The following ASPRV1 variants were observed in gnomAD, a reference collection of about 807,000 sequenced individuals.
ASPRV1 encodes the protein aspartic peptidase retroviral like 1.
A neutral mutation model predicts 11.0 loss-of-function variants in ASPRV1; 7 were observed. The ratio of observed to expected loss-of-function variants is 0.64; its 90% CI spans 0.36 to 1.20. The LOEUF is 1.20. Ranked by LOEUF, ASPRV1 falls within the 50% of genes most tolerant of loss-of-function variation. ASPRV1 has a pLI of 0.02. For missense variants in ASPRV1, 299 were observed against 320.0 expected (o/e 0.93, Z 0.50); for synonymous variants, 136 against 138.4 (o/e 0.98, Z 0.12).
chr2:69,960,809 C>T lies in ASPRV1; in HGVS notation c.628G>A (p.Ala210Thr), dbSNP rs1678065740. The T allele has an allele frequency of 1.2e-6, 2 of 1,614,034 alleles. No homozygotes were observed. Among genetic ancestry groups the T allele is most frequent in the Admixed American group, 3.3e-5 (2 of 60,006 alleles). Residue 210 changes from alanine (A) to threonine (T), a missense_variant, in exon 1 of 1, where the codon GCT (alanine) becomes ACT (threonine). Ala to Thr is a moderately conservative substitution (Grantham distance 58). Coordinates refer to ENST00000320256, the MANE Select transcript of ASPRV1 (RefSeq NM_152792.4). Reference sequence around the variant, plus strand: ...GTGCGGTGCTCAAAGTCCAGGATAGCATTGTGGTCCTGGAGCACATCAGTG... The same window carrying T: ...GTGCGGTGCTCAAAGTCCAGGATAGTATTGTGGTCCTGGAGCACATCAGTG... ...IGTDVLQDHN[A>T]ILDFEHRTCT... is the part of the protein sequence containing the mutation.
the ASPRV1 span, among the ~76,000 whole-genome samples, chr2:69,991,594 C>G: frequency 1.3e-5 from 2 of 152,118 alleles, no homozygotes; most frequent in Non-Finnish European, 2.9e-5. Context: ...GTTGCCCAGG[C>G]TGGAGTGCAA....
chr2:69,988,623 T>A, the ASPRV1 span: 1 of 360,520 alleles, frequency 2.8e-6, no homozygotes, highest in South Asian at 2.1e-5. Flanking sequence ...TACATGATAT[T>A]GTAAATATAC....
chr2:70,035,963 C>CT, the ASPRV1 span, among the ~76,000 whole-genome samples: 1 of 151,594 alleles, frequency 6.6e-6, no homozygotes, highest in African/African-American at 2.4e-5. Context: ...TACTGTATTA[C>CT]TTTCAAAGAA....
upstream of ASPRV1, chr2:69,963,522 G>A (rs1010260487): frequency 4.5e-6 from 2 of 446,016 alleles, no homozygotes; most frequent in Non-Finnish European, 9.1e-6. Flanking sequence ...AATGAGTGAG[G>A]AGGTTAGCAT....
chr2:70,002,457 C>G, the ASPRV1 span, among the ~76,000 whole-genome samples: 1 of 152,170 alleles, frequency 6.6e-6, no homozygotes, highest in Non-Finnish European at 1.5e-5. Flanking sequence ...ATCTCGTGGG[C>G]TGGCTGGCCC....
the ASPRV1 span, among the ~76,000 whole-genome samples, chr2:70,036,451 G>T: frequency 6.6e-6 from 1 of 152,128 alleles, no homozygotes; most frequent in African/African-American, 2.4e-5. Flanking sequence ...GGATTATAAA[G>T]AAATGGATCA....
chr2:70,077,756 G>A, the ASPRV1 span, among the ~76,000 whole-genome samples: 1 of 152,178 alleles, frequency 6.6e-6, no homozygotes, highest in Admixed American at 6.5e-5. Context: ...ACAGGAGGCT[G>A]AGGCAGGAGA....
At chr2:69,972,833 G>A in the ASPRV1 span, among the ~76,000 whole-genome samples, 1 of 151,966 alleles carries the variant, frequency 6.6e-6, no homozygotes, top group Non-Finnish European at 1.5e-5. Flanking sequence ...GCAGAGAAAT[G>A]GCGAGCTCTC....
the ASPRV1 span, among the ~76,000 whole-genome samples, chr2:69,969,040 A>G: frequency 6.6e-6 from 1 of 152,180 alleles, no homozygotes; most frequent in Non-Finnish European, 1.5e-5. Context: ...ATGATCCTGT[A>G]TCTCCTTGGT....
chr2:70,066,006 G>C, the ASPRV1 span, among the ~76,000 whole-genome samples: 1 of 151,952 alleles, frequency 6.6e-6, no homozygotes, highest in Admixed American at 6.6e-5. Context: ...CCAGGAGGTC[G>C]AGACCAGCCT....
rs765655077 is a variant in ASPRV1, at chr2:69,961,149, G to A, written c.288C>T (p.Ser96=). The change falls in exon 1 of 1, where the codon AGC becomes AGT. Residue 96 remains serine, a synonymous_variant. Coordinates refer to ENST00000320256, the MANE Select transcript of ASPRV1 (RefSeq NM_152792.4). ...KAFGVPGAAP[S]HLPKEIVFAN... is the part of the protein sequence containing the mutation. ...CAAAGACGATCTCTTTGGGCAGGTG[G>A]CTGGGGGCAGCCCCAGGGACCCCAA... 4 of 1,613,782 alleles carry A rather than the reference G, an allele frequency of 2.5e-6. No homozygotes were observed. Among genetic ancestry groups the A allele is most frequent in the South Asian group, 2.2e-5 (2 of 91,080 alleles).
chr2:69,949,202 C>T, the ASPRV1 span, among the ~76,000 whole-genome samples: 2 of 152,132 alleles, frequency 1.3e-5, no homozygotes, highest in South Asian at 4.1e-4. Context: ...TGACCCAATG[C>T]CCAGGACCAT....
chr2:70,076,763 G>A, the ASPRV1 span, among the ~76,000 whole-genome samples: 11 of 152,316 alleles, frequency 7.2e-5, no homozygotes, highest in African/African-American at 2.6e-4. Flanking sequence ...ATTAAACACA[G>A]TACAGTGTGC....
the ASPRV1 span, among the ~76,000 whole-genome samples, chr2:70,035,957 G>C: frequency 6.6e-6 from 1 of 151,332 alleles, no homozygotes; most frequent in Non-Finnish European, 1.5e-5. Context: ...TGCTTTTACT[G>C]TATTACTTTC....
the ASPRV1 span, among the ~76,000 whole-genome samples, chr2:70,044,410 C>T: frequency 1.3e-4 from 20 of 152,150 alleles, no homozygotes; most frequent in African/African-American, 4.8e-4. Context: ...TGTGCCAGCA[C>T]CCACTGCTAT....
chr2:69,958,212 G>T (rs1677984063), downstream of ASPRV1, among the ~76,000 whole-genome samples: 1 of 152,166 alleles, frequency 6.6e-6, no homozygotes, highest in Non-Finnish European at 1.5e-5. Flanking sequence ...CCCGCATGCA[G>T]CAGCGGTCTC....
the ASPRV1 span, among the ~76,000 whole-genome samples, chr2:70,001,816 T>A: frequency 6.6e-6 from 1 of 152,132 alleles, no homozygotes; most frequent in African/African-American, 2.4e-5. Context: ...GAATTATATA[T>A]AATGGACACA....
the ASPRV1 span, chr2:70,046,140 C>T: frequency 1.3e-5 from 2 of 152,128 alleles, no homozygotes; most frequent in African/African-American, 4.8e-5. Flanking sequence ...CCTTGGCTAC[C>T]CCTCCTGCTC....
At chr2:70,049,537 C>T in the ASPRV1 span, 1 of 151,990 alleles carries the variant, frequency 6.6e-6, no homozygotes, top group Admixed American at 6.5e-5. Flanking sequence ...CCATTCAGTA[C>T]CCCTTATCAA....
Sources: gnomAD v4.1 joint callset for allele counts (sites outside exome capture counted in the v4.1 genomes callset) on GRCh38, gnomAD v4.1.1 for gene constraint, MANE v1.5 for transcripts, NCBI Gene and HGNC (gene_info 2026-07-23, HGNC 2026-07-21) for gene names.